Variants in CNBD1 observed in about 807,000 individuals in gnomAD.
CNBD1 encodes cyclic nucleotide binding domain containing 1.
Under a neutral mutation model 54.4 loss-of-function variants are expected in CNBD1, and 71 were observed. That is an observed-to-expected ratio of 1.30 (90% CI 1.08 to 1.59). The LOEUF is 1.59. Ranked by LOEUF, CNBD1 falls within the 40% of genes most tolerant of loss-of-function variation. The pLI, the probability that CNBD1 is intolerant of heterozygous loss-of-function variation, is 0.00. For synonymous variants in CNBD1, 182 were observed against 170.7 expected, an observed-to-expected ratio of 1.07 and a Z score of -0.51; for missense variants, 659 against 518.0, an observed-to-expected ratio of 1.27 and a Z score of -2.64.
At chr8:87,159,087 G>A (rs1359978442) in intron 4 of CNBD1, among the ~76,000 whole-genome samples, 1 of 152,056 alleles carries the variant, frequency 6.6e-6, no homozygotes, top group African/African-American at 2.4e-5. Flanking sequence ...AGTTTTCTTA[G>A]TAAAATCTGA....
At position 87,411,399 on chromosome 8, in the gene CNBD1, TATA is replaced by T. The variant is rs1563591898; in HGVS notation, c.214-17146_214-17144del. Among the ~76,000 whole-genome samples, 62 of 127,584 alleles carry T rather than the reference TATA, an allele frequency of 4.9e-4. 1 individual carries two copies. Among genetic ancestry groups the T allele is most frequent in the African/African-American group, 1.9e-3 (60 of 31,656 alleles). The allele number at this position is 127,584 out of a possible 152,430, so 83.7% of individuals were successfully genotyped here. On this transcript the variant is annotated intron_variant, in intron 2 of 7. Transcript: ENST00000521593. ...AGGCAGGATTAACCTAGCTATATCA[TATA>T]TATATATATATATATATATATATAT...
intron 10 of CNBD1, among the ~76,000 whole-genome samples, chr8:87,355,273 C>T (rs1810398264): frequency 6.6e-6 from 1 of 152,132 alleles, no homozygotes; most frequent in African/African-American, 2.4e-5. Flanking sequence ...AATCTCTCTG[C>T]CACTTCCCAG....
At chr8:87,362,573 C>T (rs1810544390) in intron 10 of CNBD1, among the ~76,000 whole-genome samples, 1 of 151,928 alleles carries the variant, frequency 6.6e-6, no homozygotes, top group Admixed American at 6.6e-5. Context: ...TACATTTGTG[C>T]CAAGCCAATA....
intron 10 of CNBD1, among the ~76,000 whole-genome samples, chr8:87,358,504 A>G (rs1342945915): frequency 1.3e-5 from 2 of 152,024 alleles, no homozygotes; most frequent in African/African-American, 4.8e-5. Flanking sequence ...TGCAAGGCAA[A>G]TACACTGTGG....
intron 8 of CNBD1, among the ~76,000 whole-genome samples, chr8:87,310,148 A>T (rs1312244312): frequency 6.6e-6 from 1 of 152,108 alleles, no homozygotes; most frequent in Non-Finnish European, 1.5e-5. Flanking sequence ...TGAGCCCAGG[A>T]GTGTATGACC....
At chr8:87,308,899 T>C (rs1361766209) in intron 8 of CNBD1, among the ~76,000 whole-genome samples, 1 of 152,204 alleles carries the variant, frequency 6.6e-6, no homozygotes, top group African/African-American at 2.4e-5. Context: ...ATTTTATCCA[T>C]GTTGCTGCAT....
intron 3 of CNBD1, among the ~76,000 whole-genome samples, chr8:86,927,416 G>A (rs917414637): frequency 2.6e-5 from 4 of 152,174 alleles, no homozygotes; most frequent in Middle Eastern, 3.4e-3. Flanking sequence ...AGAAGGTGAT[G>A]ATTTTTGGGG....
Position 87,226,608 on chromosome 8 carries a change from G to C in CNBD1, c.578-10311G>C, listed in dbSNP as rs1038566456. ...TGATTGCACTGTGGTCTGAGAGATA[G>C]TTTGTTGTAATTTCTGTTCTTTTGC... On this transcript the variant is annotated intron_variant, in intron 5 of 10. Transcript: ENST00000518476. 3.7e-4 allele frequency among the ~76,000 whole-genome samples: 56 copies of C among 149,782 alleles called. 1 individual carries two copies. Among genetic ancestry groups the C allele is most frequent in the South Asian group, 6.2e-4 (3 of 4,816 alleles).
intron 4 of CNBD1, among the ~76,000 whole-genome samples, chr8:87,183,736 G>A (rs1002520435): frequency 3.3e-5 from 5 of 152,138 alleles, no homozygotes; most frequent in Admixed American, 1.3e-4. Flanking sequence ...TACTCTTGAG[G>A]ATTTGATTGT....
chr8:87,083,398 A>C (rs978950988), intron 4 of CNBD1, among the ~76,000 whole-genome samples: 4 of 152,114 alleles, frequency 2.6e-5, no homozygotes, highest in Non-Finnish European at 4.4e-5. Flanking sequence ...GGCAGCCACT[A>C]TAAGACTTCA....
In CNBD1 at chr8:86,909,049, C is replaced by T. The variant is rs975971471; in HGVS notation, c.272+3855C>T. ...GGGATTACAGGCGTGAGCCACTGCG[C>T]GGGGCCAAGAATTCTTTTTGATGAT... On this transcript the variant is annotated intron_variant, in intron 3 of 10. Transcript: ENST00000518476. Among the ~76,000 whole-genome samples, 6 of 152,084 alleles carry T rather than the reference C, an allele frequency of 3.9e-5. No individual in the cohort carries two copies. The East Asian group carries it at 5.8e-4, about 15-fold the overall frequency.
chr8:86,938,535 G>A (rs1809591858), intron 3 of CNBD1, among the ~76,000 whole-genome samples: 1 of 152,226 alleles, frequency 6.6e-6, no homozygotes, highest in South Asian at 2.1e-4. Context: ...AGGCAAATGA[G>A]CAAAGTCATG....
intron 4 of CNBD1, among the ~76,000 whole-genome samples, chr8:87,162,679 G>A (rs1812882051): frequency 1.3e-5 from 2 of 152,046 alleles, no homozygotes; most frequent in South Asian, 4.1e-4. Flanking sequence ...CCAGATTAAG[G>A]TGCTGCCTGG....
At chr8:87,354,125 G>T (rs1810369483) in intron 10 of CNBD1, among the ~76,000 whole-genome samples, 5 of 152,126 alleles carry the variant, frequency 3.3e-5, no homozygotes, top group Admixed American at 3.3e-4. Context: ...AGGGCAACCA[G>T]CCCTGCTCTG....
At chr8:86,932,651 AT>A (rs540273938) in intron 3 of CNBD1, among the ~76,000 whole-genome samples, 1 of 152,026 alleles carries the variant, frequency 6.6e-6, no homozygotes, top group African/African-American at 2.4e-5. Flanking sequence ...TTAGGTGGCC[AT>A]TTTTTTTCCA....
At chr8:86,914,959 A>G (rs372024117) in intron 3 of CNBD1, among the ~76,000 whole-genome samples, 228 of 152,364 alleles carry the variant, frequency 1.5e-3, no homozygotes, top group African/African-American at 5.3e-3. Context: ...TGTTGCCCAG[A>G]TAGAGCCAAT....
chr8:87,327,850 G>A (rs967242750), intron 8 of CNBD1, among the ~76,000 whole-genome samples: 1 of 152,064 alleles, frequency 6.6e-6, no homozygotes, highest in East Asian at 1.9e-4. Context: ...TTTTCTTCTA[G>A]GAGTTTTACA....
At chr8:87,097,993 T>C (rs924897537) in intron 4 of CNBD1, among the ~76,000 whole-genome samples, 2 of 152,230 alleles carry the variant, frequency 1.3e-5, no homozygotes, top group African/African-American at 4.8e-5. Flanking sequence ...ATGCTTCCCT[T>C]TGCATATTTG....
intron 10 of CNBD1, among the ~76,000 whole-genome samples, chr8:87,379,058 A>G (rs550187469): frequency 6.6e-6 from 1 of 150,956 alleles, no homozygotes; most frequent in Admixed American, 6.6e-5. Flanking sequence ...TTTGGGGCTG[A>G]GACAATGGGG....
Sources: allele counts gnomAD v4.1 joint callset (sites outside exome capture counted in the v4.1 genomes callset), GRCh38; gene constraint gnomAD v4.1.1; transcripts MANE v1.5; gene names NCBI Gene and HGNC (gene_info 2026-07-23, HGNC 2026-07-21).